The following LYG1 variants were observed in gnomAD, a reference collection of about 807,000 sequenced individuals.
The protein encoded by LYG1 is lysozyme g-like protein 1.
LYG1 carries 17 observed loss-of-function variants against 21.7 expected under a neutral mutation model. That is an observed-to-expected ratio of 0.78 (90% CI 0.54 to 1.18). LYG1 has a LOEUF of 1.18. Ranked by LOEUF, LYG1 falls within the 50% of genes most tolerant of loss-of-function variation. The pLI is 0.00. For synonymous variants in LYG1, 81 were observed against 87.4 expected (o/e 0.93, Z 0.41); for missense variants, 211 against 238.1 (o/e 0.89, Z 0.75).
chr2:99,296,782 T>A (rs981963804), intron 2 of LYG1, among the ~76,000 whole-genome samples: 6 of 152,204 alleles, frequency 3.9e-5, no homozygotes, highest in Non-Finnish European at 5.9e-5. Flanking sequence ...ATCTCTTTTG[T>A]TTTGAGGTTA....
At chr2:99,289,771 T>G (rs2094112987) in intron 5 of LYG1, among the ~76,000 whole-genome samples, 1 of 152,226 alleles carries the variant, frequency 6.6e-6, no homozygotes, top group Non-Finnish European at 1.5e-5. Context: ...CTTATACGCC[T>G]TTGATTATCA....
intron 3 of LYG1, among the ~76,000 whole-genome samples, chr2:99,293,580 C>T (rs1258318409): frequency 6.6e-6 from 1 of 152,158 alleles, no homozygotes; most frequent in African/African-American, 2.4e-5. Flanking sequence ...CCACTTCTTC[C>T]CTTTATCTCT....
chr2:99,289,654 A>C (rs563311914), intron 5 of LYG1, among the ~76,000 whole-genome samples: 2 of 152,234 alleles, frequency 1.3e-5, no homozygotes, highest in East Asian at 3.9e-4. Flanking sequence ...CCCTCCTTCA[A>C]TGCTGCCAGT....
intron 3 of LYG1, 123 bp downstream of exon 3, chr2:99,295,505 G>T: frequency 8.3e-7 from 1 of 1,204,308 alleles, no homozygotes; most frequent in Non-Finnish European, 1.2e-6. Flanking sequence ...TCCAGGATTT[G>T]TTGGACAGTT....
chr2:99,302,087 A>G (rs1574893577), upstream of LYG1, among the ~76,000 whole-genome samples: 2 of 152,282 alleles, frequency 1.3e-5, no homozygotes, highest in South Asian at 2.1e-4. Context: ...AGGCATTCCT[A>G]CAGGATCTTT....
chr2:99,292,594 G>C lies in LYG1; in HGVS notation c.90C>G (p.Ser30Arg), dbSNP rs2094123066. Residue 30 changes from serine to arginine, a missense_variant, in exon 4 of 7, where the codon AGC (serine) becomes AGG (arginine). Coordinates refer to ENST00000308528, the MANE Select transcript of LYG1 (RefSeq NM_174898.3). ...SNWGCYGNIQ[S>R]LDTPGASCGI... ...CACAAGATGCTCCAGGGGTGTCCAG[G>C]CTTTGGATGTTTCCATAGCATCCCC... 6.2e-7 allele frequency: 1 copy of C among 1,614,070 alleles called. No homozygotes were observed. Among genetic ancestry groups the C allele is most frequent in the South Asian group, 1.1e-5 (1 of 91,082 alleles).
chr2:99,295,331 T>G (rs2105298622), intron 3 of LYG1, among the ~76,000 whole-genome samples: 1 of 152,312 alleles, frequency 6.6e-6, no homozygotes, highest in South Asian at 2.1e-4. Context: ...TAGGAATAAA[T>G]TCAATTTGGC....
At chr2:99,293,747 T>A (rs1477337062) in intron 3 of LYG1, among the ~76,000 whole-genome samples, 1 of 152,146 alleles carries the variant, frequency 6.6e-6, no homozygotes, top group Non-Finnish European at 1.5e-5. Context: ...GATCTACAAT[T>A]CACACAAGGT....
chr2:99,298,593 C>T (rs535846109), intron 1 of LYG1, 44 bp from the exon 2 acceptor site: 12 of 152,218 alleles, frequency 7.9e-5, no homozygotes, highest in Non-Finnish European at 1.6e-4. Context: ...ATGGTTTTCT[C>T]ACCTTAGAAA....
chr2:99,286,529 C>A (rs533966251), intron 5 of LYG1, among the ~76,000 whole-genome samples: 1 of 152,170 alleles, frequency 6.6e-6, no homozygotes, highest in South Asian at 2.1e-4. Flanking sequence ...AATGGTGAAA[C>A]CCCATCTCTA....
chr2:99,298,059 C>G (rs914562577), intron 2 of LYG1, among the ~76,000 whole-genome samples: 5 of 152,198 alleles, frequency 3.3e-5, no homozygotes, highest in Non-Finnish European at 5.9e-5. Flanking sequence ...TCCATAAATA[C>G]AGCATATTGA....
At chr2:99,290,569 A>C (rs1011608192) in intron 5 of LYG1, among the ~76,000 whole-genome samples, 14 of 152,238 alleles carry the variant, frequency 9.2e-5, no homozygotes, top group African/African-American at 3.1e-4. Context: ...CCTCAACAAC[A>C]ACCACAAAAG....
At chr2:99,296,789 G>GT (rs923830379) in intron 2 of LYG1, among the ~76,000 whole-genome samples, 2 of 152,194 alleles carry the variant, frequency 1.3e-5, no homozygotes, top group African/African-American at 4.8e-5. Context: ...TTGTTTTGAG[G>GT]TTAACCTTAT....
chr2:99,301,394 A>C (rs2094153394), upstream of LYG1, among the ~76,000 whole-genome samples: 1 of 149,402 alleles, frequency 6.7e-6, no homozygotes, highest in African/African-American at 2.5e-5. Flanking sequence ...CAAGGAAGGA[A>C]GAGAGAGAGA....
intron 5 of LYG1, among the ~76,000 whole-genome samples, chr2:99,287,980 GTTC>G (rs1328916209): frequency 6.6e-6 from 1 of 151,832 alleles, no homozygotes; most frequent in African/African-American, 2.4e-5. Context: ...TCTTAATTGT[GTTC>G]TTATTACATG....
At chr2:99,284,922 C>G in intron 5 of LYG1, 102 bp from the exon 6 acceptor site, 2 of 1,450,922 alleles carry the variant, frequency 1.4e-6, no homozygotes, top group Non-Finnish European at 1.9e-6. Context: ...CTCTTGTTCT[C>G]CTTTCACCTT....
Position 99,284,456 on chromosome 2 carries a change from C to T in LYG1, c.522G>A (p.Leu174=). The T allele has an allele frequency of 6.2e-7, 1 of 1,614,194 alleles. No homozygotes were observed. The highest frequency in any genetic ancestry group is 1.1e-5 in the South Asian group (1 of 91,086). Residue 174 remains leucine, a synonymous_variant, in exon 7 of 7, where the codon CTG becomes CTA. Transcript: ENST00000308528. ...GAGYVRSSQD[L]SCDFCNDVLA... is the part of the protein sequence containing the mutation. Reference sequence around the variant, plus strand: ...GGACATCATTGCAGAAGTCACAGCTCAGGTCCTGGCTGCTTCGGACATAGC... The same window carrying T: ...GGACATCATTGCAGAAGTCACAGCTTAGGTCCTGGCTGCTTCGGACATAGC...
At chr2:99,303,776 T>C (rs1053889186), upstream of LYG1, among the ~76,000 whole-genome samples, 1 of 152,140 alleles carries the variant, frequency 6.6e-6, no homozygotes, top group Non-Finnish European at 1.5e-5. Flanking sequence ...TCCCTTGCAT[T>C]GTGGGAGGGA....
chr2:99,297,398 G>C (rs1364583372), intron 2 of LYG1, among the ~76,000 whole-genome samples: 1 of 152,198 alleles, frequency 6.6e-6, no homozygotes, highest in African/African-American at 2.4e-5. Flanking sequence ...GACCCTTCAG[G>C]AAAAAGCACT....
Sources: gnomAD v4.1 joint callset for allele counts (sites outside exome capture counted in the v4.1 genomes callset) on GRCh38, gnomAD v4.1.1 for gene constraint, MANE v1.5 for transcripts, NCBI Gene and HGNC (gene_info 2026-07-23, HGNC 2026-07-21) for gene names.